NACC2: variants seen among roughly 807,000 people sequenced by gnomAD.
NACC2 encodes nucleus accumbens-associated protein 2.
Under a neutral mutation model 25.1 loss-of-function variants are expected in NACC2, and 8 were observed. The ratio of observed to expected loss-of-function variants is 0.32; its 90% CI spans 0.19 to 0.57. NACC2 has a LOEUF of 0.57. Among genes scored for constraint, NACC2 ranks in the 20% least tolerant of loss-of-function variants. The probability of loss-of-function intolerance (pLI) is 0.89; values close to 1 mark genes in which losing one functional copy is unlikely to be tolerated. For synonymous variants in NACC2, 435 were observed against 294.7 expected (o/e 1.48, Z -4.88); for missense variants, 644 against 650.2 (o/e 0.99, Z 0.10).
At position 136,009,610 on chromosome 9, in the gene NACC2, T is replaced by G. The variant is rs1329642741; in HGVS notation, c.*1906A>C. On this transcript the variant is annotated 3_prime_UTR_variant, in exon 6 of 6. Coordinates refer to ENST00000277554, the MANE Select transcript of NACC2 (RefSeq NM_144653.5). ...GCAGCCCAGGAGGCTGAGTGCTGTC[T>G]GTAGAGGCGGCCCCACGGGAGGTCT... is the stretch of plus-strand genomic sequence containing the variant. 6.6e-6 allele frequency: 1 copy of G among 152,256 alleles called. No individual in the cohort carries two copies. Among genetic ancestry groups the G allele is most frequent in the African/African-American group, 2.4e-5 (1 of 41,454 alleles). The allele number at this position is 152,256 out of a possible 1,614,324, so 9.4% of individuals were successfully genotyped here.
chr9:136,014,821 G>A (rs1396612779), intron 3 of NACC2, among the ~76,000 whole-genome samples: 6 of 152,180 alleles, frequency 3.9e-5, no homozygotes, highest in Non-Finnish European at 7.4e-5. Context: ...AGAGGTCCAC[G>A]CTGTGCTGTT....
In NACC2 at chr9:136,049,927, C is replaced by T; in HGVS notation, c.595G>A (p.Asp199Asn). The T allele has an allele frequency of 1.7e-6, 1 of 578,030 alleles. No individual in the cohort carries two copies. Among genetic ancestry groups the T allele is most frequent in the Admixed American group, 3.4e-5 (1 of 29,206 alleles). The allele number at this position is 578,030 out of a possible 1,614,324, so 35.8% of individuals were successfully genotyped here. The part of the protein sequence containing the change: ...PKRPLETGPR[D>N]GVAVAAGAAV... ...GCCCCCGCGGCCACCGCCACGCCGT[C>T]CCGGGGCCCCGTCTCCAGCGGGCGC... is the stretch of plus-strand genomic sequence containing the variant. Residue 199 changes from aspartate to asparagine, a missense_variant, in exon 2 of 6, where the codon GAC becomes AAC. By Grantham distance (23) the Asp-to-Asn change is conservative. Transcript: ENST00000277554.
At position 136,086,356 on chromosome 9, in the gene NACC2, C is replaced by A. The variant is rs780361596; in HGVS notation, c.-60+8833G>T. On this transcript the variant is annotated intron_variant, in intron 1 of 5. Coordinates refer to ENST00000277554, the MANE Select transcript of NACC2 (RefSeq NM_144653.5). This position sits in a 1 kb window ranked among gnomAD's most constrained non-coding sequence, Gnocchi z 5.6. ...TGGGGGTGCCTCTGTTTTCCTGCAT[C>A]ATCAGGAGCCTGGTGAGGCCTAGGG... Among the ~76,000 whole-genome samples, 2 of 152,168 alleles carry A rather than the reference C, an allele frequency of 1.3e-5. No individual in the cohort carries two copies. The highest frequency in any genetic ancestry group is 2.4e-5 in the African/African-American group (1 of 41,454).
At chr9:136,030,419 T>C (rs7861922) in intron 2 of NACC2, among the ~76,000 whole-genome samples, 76,028 of 151,424 alleles carry the variant, frequency 0.5, 20,015 homozygotes, top group African/African-American at 0.66. Context: ...ACCATCCCGG[T>C]GAACACAGTG....
intron 2 of NACC2, among the ~76,000 whole-genome samples, chr9:136,041,046 G>A (rs1402077529): frequency 9.2e-5 from 10 of 108,890 alleles, no homozygotes; most frequent in South Asian, 8.6e-4. Context: ...AGAAAAGGAA[G>A]GAAGGAAGGA....
intron 1 of NACC2, among the ~76,000 whole-genome samples, chr9:136,060,325 G>A (rs770512196): frequency 2.6e-5 from 4 of 152,248 alleles, no homozygotes; most frequent in East Asian, 1.9e-4. Context: ...TTGGGATCAC[G>A]GGGAGGCCCT....
chr9:136,080,012 G>A (rs576677703), intron 1 of NACC2, among the ~76,000 whole-genome samples: 45 of 152,326 alleles, frequency 3.0e-4, no homozygotes, highest in African/African-American at 9.9e-4. Flanking sequence ...CCTGGGCCAG[G>A]CCTGGGGCTG....
chr9:136,076,913 G>A (rs566390912), intron 1 of NACC2, among the ~76,000 whole-genome samples: 4 of 152,152 alleles, frequency 2.6e-5, no homozygotes, highest in African/African-American at 4.8e-5. Context: ...GGGACTAGGC[G>A]GAGAATGGCG....
chr9:136,069,707 C>A (rs772177028), intron 1 of NACC2, among the ~76,000 whole-genome samples: 6 of 151,712 alleles, frequency 4.0e-5, no homozygotes, highest in Admixed American at 1.3e-4. Context: ...TATTTCAGAG[C>A]AAATAAAATT....
chr9:136,048,393 T>G (rs1198751160), intron 2 of NACC2, among the ~76,000 whole-genome samples: 1 of 152,158 alleles, frequency 6.6e-6, no homozygotes, highest in Non-Finnish European at 1.5e-5. Flanking sequence ...CGGAGCCCGG[T>G]GTGCTCTGCC....
At chr9:136,064,402 A>G (rs965051775) in intron 1 of NACC2, among the ~76,000 whole-genome samples, 2 of 152,250 alleles carry the variant, frequency 1.3e-5, no homozygotes, top group Non-Finnish European at 2.9e-5. Context: ...ATTTCTCTAC[A>G]CTTGCAATGA....
intron 1 of NACC2, among the ~76,000 whole-genome samples, chr9:136,083,949 A>G (rs1363839271): frequency 6.6e-5 from 10 of 152,034 alleles, no homozygotes; most frequent in Non-Finnish European, 1.5e-4. Flanking sequence ...AAGCTGAGAA[A>G]GCCTCTCCGC....
intron 1 of NACC2, among the ~76,000 whole-genome samples, chr9:136,087,988 G>A (rs1830396507): frequency 6.6e-6 from 1 of 152,146 alleles, no homozygotes; most frequent in Non-Finnish European, 1.5e-5. Context: ...CTGCTGGGAA[G>A]TTCCGGGAGG....
chr9:136,043,203 G>C (rs1321645113), intron 2 of NACC2, among the ~76,000 whole-genome samples: 1 of 152,206 alleles, frequency 6.6e-6, no homozygotes, highest in Admixed American at 6.5e-5. Flanking sequence ...GGTCAGACTA[G>C]GAGAGAATGC....
intron 1 of NACC2, among the ~76,000 whole-genome samples, chr9:136,085,350 G>T (rs1393631939): frequency 6.6e-6 from 1 of 151,522 alleles, no homozygotes; most frequent in Non-Finnish European, 1.5e-5. Context: ...ATGTGGTGGT[G>T]CACAAAAATT....
At chr9:136,017,653 C>A (rs1476499592) in intron 2 of NACC2, among the ~76,000 whole-genome samples, 1 of 152,194 alleles carries the variant, frequency 6.6e-6, no homozygotes, top group Non-Finnish European at 1.5e-5. Flanking sequence ...ACGGTGGACA[C>A]CAGTCCGGCA....
intron 1 of NACC2, among the ~76,000 whole-genome samples, chr9:136,051,970 G>A (rs985340160): frequency 3.9e-5 from 6 of 152,016 alleles, no homozygotes; most frequent in African/African-American, 9.7e-5. Context: ...GCTCGCGGCC[G>A]CAGCTCAGCT....
At chr9:136,040,670 A>G (rs1840614205) in intron 2 of NACC2, among the ~76,000 whole-genome samples, 1 of 152,218 alleles carries the variant, frequency 6.6e-6, no homozygotes, top group Non-Finnish European at 1.5e-5. Context: ...TGACTTCACA[A>G]GAAAAATGGC....
intron 2 of NACC2, among the ~76,000 whole-genome samples, chr9:136,049,385 C>T (rs1187484401): frequency 2.6e-5 from 4 of 152,322 alleles, no homozygotes; most frequent in Admixed American, 2.0e-4. Flanking sequence ...GGGACACCTG[C>T]GTTTCCTCAT....
Sources: allele counts gnomAD v4.1 joint callset (sites outside exome capture counted in the v4.1 genomes callset), GRCh38; gene constraint gnomAD v4.1.1; non-coding constraint Gnocchi (gnomAD v3.1); transcripts MANE v1.5; gene names NCBI Gene and HGNC (gene_info 2026-07-23, HGNC 2026-07-21).